KHDRBS2: variants seen among roughly 807,000 people sequenced by gnomAD.
KHDRBS2 encodes KH RNA binding domain containing, signal transduction associated 2.
In KHDRBS2, 26 loss-of-function variants were observed where a neutral mutation model predicts 44.3. The observed-to-expected ratio is 0.59, with a 90% CI of 0.43 to 0.81. The LOEUF is 0.81. Among genes scored for constraint, KHDRBS2 ranks in the 40% least tolerant of loss-of-function variants. The pLI, the probability that KHDRBS2 is intolerant of heterozygous loss-of-function variation, is 0.00. For missense variants in KHDRBS2, 476 were observed against 433.1 expected (o/e 1.10, Z -0.88); for synonymous variants, 194 against 151.1 (o/e 1.28, Z -2.08).
chr6:61,566,026 TG>T, the KHDRBS2 span, among the ~76,000 whole-genome samples: 2 of 146,198 alleles, frequency 1.4e-5, no homozygotes, highest in South Asian at 2.2e-4. Flanking sequence ...TGTGTGTGTG[TG>T]CATGTGTGTG....
At chr6:61,811,260 A>G (rs1437285365) in intron 6 of KHDRBS2, among the ~76,000 whole-genome samples, 1 of 152,090 alleles carries the variant, frequency 6.6e-6, no homozygotes, top group Non-Finnish European at 1.5e-5. Flanking sequence ...CTCCAGATGC[A>G]TTTATGTTGC....
At chr6:62,006,912 T>A (rs1297555570) in intron 3 of KHDRBS2, among the ~76,000 whole-genome samples, 1 of 152,054 alleles carries the variant, frequency 6.6e-6, no homozygotes, top group Admixed American at 6.6e-5. Flanking sequence ...TAGATAAATT[T>A]TTTTTAAATT....
chr6:61,670,505 A>G, the KHDRBS2 span, among the ~76,000 whole-genome samples: 51 of 151,662 alleles, frequency 3.4e-4, no homozygotes, highest in African/African-American at 1.2e-3. Context: ...GTTAAAAGAC[A>G]CAGTTTAAAA....
chr6:61,699,094 C>T lies in KHDRBS2; in HGVS notation c.894-1841G>A, dbSNP rs1356267584. Reference sequence around the variant, plus strand: ...TAGAAAATTGGTCTCTCATTTATTTCATTTATTCATTTGCTGTCGTTGTTC... The same window carrying T: ...TAGAAAATTGGTCTCTCATTTATTTTATTTATTCATTTGCTGTCGTTGTTC... On this transcript the variant is annotated intron_variant, in intron 7 of 8. Transcript: ENST00000281156. Among the ~76,000 whole-genome samples the T allele has an allele frequency of 2.0e-5, 3 of 152,066 alleles. No homozygotes were observed. The South Asian group carries it at 6.2e-4, about 32-fold the overall frequency.
chr6:61,824,213 T>C (rs1186078664), intron 6 of KHDRBS2, among the ~76,000 whole-genome samples: 2 of 152,112 alleles, frequency 1.3e-5, no homozygotes, highest in Non-Finnish European at 2.9e-5. Context: ...CCAAATCTCA[T>C]GTCAAACTGT....
At chr6:61,904,251 T>C (rs1804574865) in intron 4 of KHDRBS2, among the ~76,000 whole-genome samples, 1 of 152,180 alleles carries the variant, frequency 6.6e-6, no homozygotes, top group Admixed American at 6.5e-5. Context: ...GAATTGCCCA[T>C]TTAAATCTTT....
At chr6:61,577,831 CAT>C in the KHDRBS2 span, among the ~76,000 whole-genome samples, 1 of 152,102 alleles carries the variant, frequency 6.6e-6, no homozygotes, top group African/African-American at 2.4e-5. Context: ...ATTATCCTAA[CAT>C]GTCGAACATG....
At chr6:61,567,585 G>A in the KHDRBS2 span, among the ~76,000 whole-genome samples, 2 of 152,202 alleles carry the variant, frequency 1.3e-5, no homozygotes, top group Non-Finnish European at 1.5e-5. Context: ...CGCCTGCAAT[G>A]AGAGGTGTTC....
At chr6:61,904,535 A>G (rs562588111) in intron 4 of KHDRBS2, among the ~76,000 whole-genome samples, 1 of 152,230 alleles carries the variant, frequency 6.6e-6, no homozygotes, top group African/African-American at 2.4e-5. Context: ...CAAAGACTTC[A>G]GTTGCTGTGC....
chr6:61,921,584 CT>C (rs1808076776), intron 4 of KHDRBS2, among the ~76,000 whole-genome samples: 1 of 151,892 alleles, frequency 6.6e-6, no homozygotes, highest in South Asian at 2.1e-4. Flanking sequence ...TTAATATTAT[CT>C]TTTTATGACA....
chr6:62,074,081 C>T (rs1432310547), intron 2 of KHDRBS2, among the ~76,000 whole-genome samples: 1 of 151,786 alleles, frequency 6.6e-6, no homozygotes, highest in African/African-American at 2.4e-5. Context: ...TAGGAGCCAT[C>T]AGAGCAGAAA....
At chr6:62,247,554 A>T (rs765828622) in intron 1 of KHDRBS2, among the ~76,000 whole-genome samples, 4 of 152,022 alleles carry the variant, frequency 2.6e-5, no homozygotes, top group Non-Finnish European at 5.9e-5. Context: ...TATCAAAGTT[A>T]TTTAAAATGT....
intron 1 of KHDRBS2, among the ~76,000 whole-genome samples, chr6:62,218,671 G>C (rs1830407279): frequency 6.6e-6 from 1 of 151,748 alleles, no homozygotes; most frequent in South Asian, 2.1e-4. Flanking sequence ...ATCTCAACAT[G>C]GGGTATCTAT....
chr6:61,641,477 T>C, the KHDRBS2 span, among the ~76,000 whole-genome samples: 1 of 152,182 alleles, frequency 6.6e-6, no homozygotes, highest in Admixed American at 6.6e-5. Flanking sequence ...TCTTTCTTCC[T>C]ATTAAAGCAT....
At chr6:61,961,850 T>G (rs1189091700) in intron 4 of KHDRBS2, among the ~76,000 whole-genome samples, 1 of 152,124 alleles carries the variant, frequency 6.6e-6, no homozygotes. Flanking sequence ...AGAGAGCCAG[T>G]GCTGGACTTT....
the KHDRBS2 span, among the ~76,000 whole-genome samples, chr6:61,566,365 T>G: frequency 2.0e-5 from 3 of 152,172 alleles, no homozygotes; most frequent in Admixed American, 2.0e-4. Flanking sequence ...ATGCATAATG[T>G]ATTTTAAAAT....
chr6:61,625,350 A>G, the KHDRBS2 span, among the ~76,000 whole-genome samples: 4 of 148,990 alleles, frequency 2.7e-5, no homozygotes, highest in East Asian at 7.9e-4. Flanking sequence ...ACTTCCTGAA[A>G]ATGTGTGCAG....
chr6:61,908,210 TTAGAGA>T (rs1376291936), intron 4 of KHDRBS2, among the ~76,000 whole-genome samples: 2 of 151,950 alleles, frequency 1.3e-5, no homozygotes, highest in Non-Finnish European at 2.9e-5. Context: ...AGATAAAGAG[TTAGAGA>T]TAGACAAATA....
intron 6 of KHDRBS2, among the ~76,000 whole-genome samples, chr6:61,878,528 C>CTAGA (rs764828738): frequency 9.2e-5 from 14 of 151,980 alleles, no homozygotes; most frequent in Non-Finnish European, 1.5e-4. Flanking sequence ...GCAGCATGAA[C>CTAGA]TAGAGCTAGA....
Sources: allele counts gnomAD v4.1 joint callset (sites outside exome capture counted in the v4.1 genomes callset), GRCh38; gene constraint gnomAD v4.1.1; transcripts MANE v1.5; gene names NCBI Gene and HGNC (gene_info 2026-07-23, HGNC 2026-07-21).